The following ADGRG5 variants were observed in gnomAD, a reference collection of about 807,000 sequenced individuals.
ADGRG5 encodes the protein G protein-coupled receptor 114.
ADGRG5 carries 37 observed loss-of-function variants against 53.2 expected under a neutral mutation model. That is an observed-to-expected ratio of 0.70 (90% CI 0.53 to 0.91). ADGRG5 has a LOEUF of 0.91. Ranked by LOEUF, ADGRG5 falls within the 40% of genes least tolerant of loss-of-function variation. The pLI, the probability that ADGRG5 is intolerant of heterozygous loss-of-function variation, is 0.00. For missense variants in ADGRG5, 614 were observed against 675.8 expected (o/e 0.91, Z 1.01); for synonymous variants, 277 against 290.4 (o/e 0.95, Z 0.47).
chr16:57,568,271 C>G (rs2033201759), intron 9 of ADGRG5, 147 bp downstream of exon 9: 1 of 741,494 alleles, frequency 1.3e-6, no homozygotes, highest in African/African-American at 1.8e-5. Flanking sequence ...CCCACCTCTA[C>G]TTTCTATGTT....
chr16:57,533,672 TCACA>T, the ADGRG5 span, among the ~76,000 whole-genome samples: 2 of 146,284 alleles, frequency 1.4e-5, no homozygotes, highest in African/African-American at 5.2e-5. Context: ...GGACCTGCAC[TCACA>T]CACAGCCCCA....
chr16:57,565,408 T>C, intron 6 of ADGRG5: 1 of 472,618 alleles, frequency 2.1e-6, no homozygotes, highest in Non-Finnish European at 3.7e-6. Flanking sequence ...ATCCATGAAA[T>C]GTCTAGAGGT....
At chr16:57,563,409 G>T (rs1445777114) in intron 4 of ADGRG5, among the ~76,000 whole-genome samples, 162 bp downstream of exon 4, 1 of 152,228 alleles carries the variant, frequency 6.6e-6, no homozygotes, top group African/African-American at 2.4e-5. Context: ...CTGTAAAATG[G>T]GGCTCATACT....
chr16:57,554,923 T>TTC, intron 1 of ADGRG5, among the ~76,000 whole-genome samples: 1 of 152,208 alleles, frequency 6.6e-6, no homozygotes, highest in Admixed American at 6.5e-5. Context: ...TGTCTCTGAC[T>TTC]CATGGGTTAC....
chr16:57,550,481 C>T lies in ADGRG5; in HGVS notation c.-39+7780C>T, dbSNP rs1167680682. Among the ~76,000 whole-genome samples the T allele has an allele frequency of 6.6e-5, 10 of 152,180 alleles. No individual in the cohort carries two copies. The South Asian group carries it at 2.1e-3, about 32-fold the overall frequency. Reference sequence around the variant, plus strand: ...TTTGCTAACCATGACTTTCAAAAAGCAGAAGTTTTAATTTTGATGAAATTC... The same window carrying T: ...TTTGCTAACCATGACTTTCAAAAAGTAGAAGTTTTAATTTTGATGAAATTC... On this transcript the variant is annotated intron_variant, in intron 1 of 11. Transcript: ENST00000349457.
chr16:57,541,654 C>T (rs1344224986), upstream of ADGRG5, among the ~76,000 whole-genome samples: 1 of 152,212 alleles, frequency 6.6e-6, no homozygotes, highest in African/African-American at 2.4e-5. Flanking sequence ...TCTGGTTTCT[C>T]CCTTTTGCTG....
At chr16:57,536,182 G>C in the ADGRG5 span, among the ~76,000 whole-genome samples, 1 of 152,104 alleles carries the variant, frequency 6.6e-6, no homozygotes, top group Admixed American at 6.5e-5. Flanking sequence ...TCCCCCGGGA[G>C]AGTCCCAAAT....
At position 57,567,649 on chromosome 16, in the gene ADGRG5, G is replaced by A. The variant is rs2033173372; in HGVS notation, c.821+58G>A. The A allele has an allele frequency of 5.7e-6, 9 of 1,586,680 alleles. No individual in the cohort carries two copies. In the South Asian group the frequency reaches 1.0e-4, roughly 18 times the overall value. ...GCACTGTGGCACATCACGCTTCCTT[G>A]TGTCCCATTTAGTCCACTAGAACTG... On this transcript the variant is annotated intron_variant, in intron 8 of 11. Transcript: ENST00000349457.
chr16:57,542,115 G>T (rs142868455), upstream of ADGRG5, among the ~76,000 whole-genome samples: 1,188 of 152,346 alleles, frequency 7.8e-3, 7 homozygotes, highest in Middle Eastern at 0.014. Flanking sequence ...ATTTTACAGA[G>T]GGGAAACAGG....
At chr16:57,546,952 T>C (rs568108424) in intron 1 of ADGRG5, among the ~76,000 whole-genome samples, 2 of 152,274 alleles carry the variant, frequency 1.3e-5, no homozygotes, top group East Asian at 3.9e-4. Flanking sequence ...GCTCAAGTGA[T>C]CCTCCTGCCT....
intron 3 of ADGRG5, 43 bp from the exon 4 acceptor site, chr16:57,563,048 C>G (rs775891636): frequency 1.3e-5 from 21 of 1,611,344 alleles, no homozygotes; most frequent in Middle Eastern, 1.6e-4. Context: ...ACCCTTACCC[C>G]ACTCCGGGCT....
At chr16:57,540,512 C>T (rs766737308), upstream of ADGRG5, among the ~76,000 whole-genome samples, 3 of 152,072 alleles carry the variant, frequency 2.0e-5, no homozygotes, top group Non-Finnish European at 2.9e-5. Flanking sequence ...AGGCTTCCTA[C>T]TGCTCAAGCA....
chr16:57,553,756 A>G (rs1219506919), intron 1 of ADGRG5, among the ~76,000 whole-genome samples: 1 of 152,230 alleles, frequency 6.6e-6, no homozygotes, highest in Non-Finnish European at 1.5e-5. Flanking sequence ...ATCTATATTC[A>G]TGAGGGGTGT....
chr16:57,563,227 A>G lies in ADGRG5; in HGVS notation c.277A>G (p.Thr93Ala). The G allele has an allele frequency of 6.2e-7, 1 of 1,613,952 alleles. No individual in the cohort carries two copies. The highest frequency in any genetic ancestry group is 1.1e-5 in the South Asian group (1 of 91,080). The change falls in exon 4 of 12, where the codon ACT (threonine) becomes GCT (alanine). Residue 93 changes from threonine (T) to alanine (A), a missense_variant. By Grantham distance (58) the Thr-to-Ala change is moderately conservative (BLOSUM62 0). Transcript: ENST00000349457. Reference protein sequence around the residue: ...DFSGLSLTSATLKRVPQAGGQ... With the variant: ...DFSGLSLTSAALKRVPQAGGQ... ...CTCTGGCCTCTCGCTGACCAGTGCCACTCTGAAGCGGGTGCCCCAGGTCAG... is the reference window on the plus strand; with the variant it reads ...CTCTGGCCTCTCGCTGACCAGTGCCGCTCTGAAGCGGGTGCCCCAGGTCAG...
chr16:57,529,330 G>A, the ADGRG5 span: 1 of 1,065,152 alleles, frequency 9.4e-7, no homozygotes, highest in Admixed American at 5.1e-5. This position sits in a 1 kb window ranked among gnomAD's most constrained non-coding sequence, Gnocchi z 4.1. Flanking sequence ...CGGACCTACG[G>A]GAGAACACAA....
the ADGRG5 span, among the ~76,000 whole-genome samples, chr16:57,535,184 G>A: frequency 6.6e-6 from 1 of 152,180 alleles, no homozygotes; most frequent in Admixed American, 6.5e-5. Context: ...CACAGACTGC[G>A]GGCACCTGTC....
the ADGRG5 span, among the ~76,000 whole-genome samples, chr16:57,535,571 C>T: frequency 2.8e-4 from 42 of 152,212 alleles, no homozygotes; most frequent in East Asian, 7.2e-3. Flanking sequence ...GGCACCAGGC[C>T]AAGTGGATAC....
intron 11 of ADGRG5, 82 bp downstream of exon 11, chr16:57,575,174 G>A (rs2033481839): frequency 6.8e-7 from 1 of 1,469,628 alleles, no homozygotes; most frequent in Non-Finnish European, 9.2e-7. Context: ...AAGGGGTTCA[G>A]GTGAAGGGGG....
intron 1 of ADGRG5, among the ~76,000 whole-genome samples, chr16:57,550,474 C>CAA (rs1435304974): frequency 1.3e-5 from 2 of 152,154 alleles, no homozygotes; most frequent in Non-Finnish European, 2.9e-5. Context: ...CCATGACTTT[C>CAA]AAAAAGCAGA....
Sources: allele counts gnomAD v4.1 joint callset (sites outside exome capture counted in the v4.1 genomes callset), GRCh38; gene constraint gnomAD v4.1.1; non-coding constraint Gnocchi (gnomAD v3.1); transcripts MANE v1.5; gene names NCBI Gene and HGNC (gene_info 2026-07-23, HGNC 2026-07-21).